The following SNX29 variants were observed in gnomAD, a reference collection of about 807,000 sequenced individuals.
SNX29 encodes sorting nexin 29, also known as sorting nexin-29.
In SNX29, 78 loss-of-function variants were observed where a neutral mutation model predicts 102.1. The observed-to-expected ratio is 0.76, with a 90% CI of 0.64 to 0.92. SNX29 has a LOEUF of 0.92. Among genes scored for constraint, SNX29 ranks in the 40% least tolerant of loss-of-function variants. The pLI is 0.00. For synonymous variants in SNX29, 580 were observed against 414.5 expected, an observed-to-expected ratio of 1.40 and a Z score of -4.85; for missense variants, 1,280 against 1,061.7, an observed-to-expected ratio of 1.21 and a Z score of -2.86.
chr16:12,434,893 A>G (rs1336833644), intron 18 of SNX29, among the ~76,000 whole-genome samples: 1 of 147,564 alleles, frequency 6.8e-6, no homozygotes, highest in African/African-American at 2.5e-5. Flanking sequence ...TCTGTTACAA[A>G]GTATAAATTC....
At chr16:12,408,183 A>AAC (rs1249635103) in intron 18 of SNX29, among the ~76,000 whole-genome samples, 1 of 151,344 alleles carries the variant, frequency 6.6e-6, no homozygotes, top group African/African-American at 2.4e-5. Context: ...CAAACAAAAA[A>AAC]AAAACTAGAA....
intron 19 of SNX29, among the ~76,000 whole-genome samples, chr16:12,491,889 G>A (rs939598844): frequency 3.5e-4 from 54 of 152,136 alleles, no homozygotes; most frequent in Admixed American, 3.1e-3. Context: ...ATAGTATTCC[G>A]TGGTGTATAT....
chr16:12,211,459 C>T (rs947192640), intron 14 of SNX29, among the ~76,000 whole-genome samples: 1 of 152,084 alleles, frequency 6.6e-6, no homozygotes, highest in African/African-American at 2.4e-5. Context: ...GGGACTGTTG[C>T]CTCCATTTTA....
chr16:12,403,226 GT>G lies in SNX29; in HGVS notation c.1956-221del, dbSNP rs1351564208. 1.7e-4 allele frequency among the ~76,000 whole-genome samples: 25 copies of G among 148,604 alleles called. 1 individual carries two copies. Among genetic ancestry groups the G allele is most frequent in the African/African-American group, 6.2e-4 (25 of 40,130 alleles). On this transcript the variant is annotated intron_variant, in intron 17 of 20. Coordinates refer to ENST00000566228, the MANE Select transcript of SNX29 (RefSeq NM_032167.5). The stretch of plus-strand genomic sequence containing the variant: ...TATGTGTGTGTGTGTGTGTGTGTGT[GT>G]GTGTGTGTGTGTGTGTGTGTGTGTG...
At chr16:12,400,741 T>C (rs12325468) in intron 17 of SNX29, among the ~76,000 whole-genome samples, 5,479 of 152,274 alleles carry the variant, frequency 0.036, 253 homozygotes, top group African/African-American at 0.1. Context: ...CTTCAGAACA[T>C]GTGATGTAAA....
chr16:12,149,414 G>T (rs2055203851), intron 13 of SNX29, among the ~76,000 whole-genome samples: 1 of 152,226 alleles, frequency 6.6e-6, no homozygotes, highest in African/African-American at 2.4e-5. Context: ...CAGAAGGCAA[G>T]TAGTGGTCTG....
chr16:12,023,746 C>T (rs114405140), intron 3 of SNX29, among the ~76,000 whole-genome samples: 3 of 152,090 alleles, frequency 2.0e-5, no homozygotes, highest in Admixed American at 6.6e-5. Flanking sequence ...AGTGTGACCT[C>T]GTGTATGACA....
intron 18 of SNX29, among the ~76,000 whole-genome samples, chr16:12,461,970 AAAAAAAAAATATATATATATAT>A (rs1308961573): frequency 1.5e-5 from 1 of 68,456 alleles, no homozygotes; most frequent in African/African-American, 7.4e-5. Flanking sequence ...AAAAAAAAAA[AAAAAAAAAATATATATATATAT>A]ATATATATAT....
chr16:12,564,934 TAAAAAAA>T (rs6145751), intron 20 of SNX29, among the ~76,000 whole-genome samples: 55 of 144,936 alleles, frequency 3.8e-4, no homozygotes, highest in Middle Eastern at 7.4e-3. Flanking sequence ...ACCTTGGTGT[TAAAAAAA>T]AAAAAAAAAA....
chr16:12,294,587 G>A (rs1477576129), intron 15 of SNX29, among the ~76,000 whole-genome samples: 2 of 152,160 alleles, frequency 1.3e-5, no homozygotes, highest in African/African-American at 2.4e-5. Context: ...CCGCCATCAT[G>A]GTTCCCTGTT....
intron 18 of SNX29, among the ~76,000 whole-genome samples, chr16:12,454,848 A>G (rs2086467164): frequency 6.6e-6 from 1 of 151,364 alleles, no homozygotes; most frequent in Admixed American, 6.6e-5. Context: ...TCCCAGGTTC[A>G]GGCACTTCTG....
chr16:12,413,078 T>C (rs1056855129), intron 18 of SNX29, among the ~76,000 whole-genome samples: 1 of 152,202 alleles, frequency 6.6e-6, no homozygotes, highest in African/African-American at 2.4e-5. Context: ...TGGCAGCTTT[T>C]GTTTTGTTTT....
At chr16:12,228,394 C>T (rs2077676920) in intron 14 of SNX29, among the ~76,000 whole-genome samples, 3 of 152,256 alleles carry the variant, frequency 2.0e-5, no homozygotes, top group Admixed American at 2.0e-4. Flanking sequence ...CGAGTTGGCA[C>T]TCGAGGTCAG....
intron 15 of SNX29, 109 bp from the exon 16 acceptor site, chr16:12,356,054 C>G: frequency 1.1e-6 from 1 of 937,346 alleles, no homozygotes; most frequent in East Asian, 2.7e-5. Flanking sequence ...CCCCAACAGC[C>G]TACAGATGTT....
chr16:12,051,278 A>C (rs1489220208), intron 7 of SNX29, among the ~76,000 whole-genome samples: 1 of 151,360 alleles, frequency 6.6e-6, no homozygotes, highest in Admixed American at 6.6e-5. Context: ...ACAGTGAGCT[A>C]TGATTGCACC....
intron 16 of SNX29, chr16:12,375,740 G>A (rs995853671): frequency 6.6e-6 from 1 of 152,212 alleles, no homozygotes; most frequent in Non-Finnish European, 1.5e-5. Flanking sequence ...AAGCTTTAGA[G>A]GTAGCATTCT....
rs376128569 is a variant in SNX29 at position 12,261,888 on chromosome 16, G to A, written c.1679-16045G>A. ...GCTGGAGTGAGTGTTTGCTGAGCTC[G>A]GGTCTGTGCATGCGTCCCCGGCTGG... On this transcript the variant is annotated intron_variant, in intron 14 of 20. Transcript: ENST00000566228. 3.5e-5 allele frequency among the ~76,000 whole-genome samples: 5 copies of A among 142,218 alleles called. No homozygotes were observed. The South Asian group carries it at 1.2e-3, about 33-fold the overall frequency. 93.3% of individuals were successfully genotyped at this position (142,218 alleles called of 152,430 possible). A position where few individuals can be genotyped will look rare whatever the true frequency, so the allele number is the denominator to read the frequency against.
chr16:12,548,156 C>T (rs147825227), intron 20 of SNX29, among the ~76,000 whole-genome samples: 30 of 152,338 alleles, frequency 2.0e-4, no homozygotes, highest in African/African-American at 6.5e-4. Context: ...CATTCTTCAT[C>T]TTGGCCACAC....
Position 12,570,845 on chromosome 16 carries a change from A to C in SNX29, c.*2216A>C, listed in dbSNP as rs933054336. On this transcript the variant is annotated 3_prime_UTR_variant, in exon 21 of 21. Transcript: ENST00000566228. Reference sequence around the variant, plus strand: ...ACAAGTATGCTCTCAGCTGGTATTGAACTGGTGGGAGAAACTGCCTCCTAC... The same window carrying C: ...ACAAGTATGCTCTCAGCTGGTATTGCACTGGTGGGAGAAACTGCCTCCTAC... The C allele has an allele frequency of 8.6e-6, 2 of 231,926 alleles. No homozygotes were observed. The highest frequency in any genetic ancestry group is 4.4e-5 in the African/African-American group (2 of 45,264). 14.4% of individuals were successfully genotyped at this position (231,926 alleles called of 1,614,324 possible).
Sources: allele counts gnomAD v4.1 joint callset (sites outside exome capture counted in the v4.1 genomes callset), GRCh38; gene constraint gnomAD v4.1.1; transcripts MANE v1.5; gene names NCBI Gene and HGNC (gene_info 2026-07-23, HGNC 2026-07-21).